PANK1: variants seen among roughly 807,000 people sequenced by gnomAD.
PANK1 encodes pantothenate kinase 1.
In PANK1, 18 loss-of-function variants were observed where a neutral mutation model predicts 40.1. The observed-to-expected ratio is 0.45, with a 90% CI of 0.31 to 0.67. The LOEUF (loss-of-function observed/expected upper bound fraction) is 0.67, where lower values mean the gene tolerates loss of function less well. Among genes scored for constraint, PANK1 ranks in the 30% least tolerant of loss-of-function variants. The probability of loss-of-function intolerance (pLI) is 0.06; values close to 1 mark genes in which losing one functional copy is unlikely to be tolerated. For missense variants in PANK1, 457 were observed against 599.6 expected, an observed-to-expected ratio of 0.76 and a Z score of 2.48; for synonymous variants, 242 against 237.7, an observed-to-expected ratio of 1.02 and a Z score of -0.17.
At chr10:89,618,798 C>T (rs569748777) in intron 1 of PANK1, among the ~76,000 whole-genome samples, 1 of 152,294 alleles carries the variant, frequency 6.6e-6, no homozygotes, top group African/African-American at 2.4e-5. Context: ...TTACCTTAAC[C>T]AGCAAAAATT....
chr10:89,636,472 G>A (rs1841818289), intron 1 of PANK1, among the ~76,000 whole-genome samples: 1 of 151,964 alleles, frequency 6.6e-6, no homozygotes, highest in Admixed American at 6.6e-5. Flanking sequence ...TATTTTTTGA[G>A]ATGGAGTCTT....
downstream of PANK1, chr10:89,579,690 A>T (rs1844019159): frequency 6.6e-6 from 1 of 152,194 alleles, no homozygotes; most frequent in African/African-American, 2.4e-5. Context: ...TTTTATGATC[A>T]TCTGACTGAA....
chr10:89,645,126 A>G lies in PANK1; in HGVS notation c.-235T>C, dbSNP rs1266695498. ...CCACGGCGCCGGCCTGGAGCACGCC[A>G]GCCCCGGGCGCGGAATCGGGGATCC... is the stretch of plus-strand genomic sequence containing the variant. On this transcript the variant is annotated 5_prime_UTR_variant, in exon 1 of 7. Coordinates refer to ENST00000307534, the MANE Select transcript of PANK1 (RefSeq NM_148977.3). 1.3e-5 allele frequency: 20 copies of G among 1,505,882 alleles called. No individual in the cohort carries two copies. Among genetic ancestry groups the G allele is most frequent in the Non-Finnish European group, 1.8e-5 (20 of 1,130,844 alleles). 93.3% of individuals were successfully genotyped at this position (1,505,882 alleles called of 1,614,324 possible). A position where few individuals can be genotyped will look rare whatever the true frequency, so the allele number is the denominator to read the frequency against.
At chr10:89,592,067 T>A (rs1844409168) in intron 5 of PANK1, among the ~76,000 whole-genome samples, 1 of 152,238 alleles carries the variant, frequency 6.6e-6, no homozygotes, top group Non-Finnish European at 1.5e-5. Context: ...ATAAACTCTG[T>A]TACATTGAGT....
chr10:89,635,143 TAGAG>T (rs371552592), intron 1 of PANK1, among the ~76,000 whole-genome samples: 11 of 150,968 alleles, frequency 7.3e-5, no homozygotes, highest in Non-Finnish European at 1.5e-4. Flanking sequence ...TATATATATA[TAGAG>T]AGAGAGAGAG....
In PANK1 at chr10:89,599,449, C is replaced by T; in HGVS notation, c.702G>A (p.Leu234=). ...LDELDCLIQG[L]LYVDSVGFNG... Reference sequence around the variant, plus strand: ...TGAAGCCAACAGAGTCGACATAAAGCAGGCCCTGAATCAGACAGTCCAGTT... The same window carrying T: ...TGAAGCCAACAGAGTCGACATAAAGTAGGCCCTGAATCAGACAGTCCAGTT... Residue 234 remains leucine, a synonymous_variant, in exon 3 of 7, where the codon CTG becomes CTA. Coordinates refer to ENST00000307534, the MANE Select transcript of PANK1 (RefSeq NM_148977.3). 1.2e-6 allele frequency: 2 copies of T among 1,613,776 alleles called. No individual in the cohort carries two copies. The highest frequency in any genetic ancestry group is 4.5e-5 in the East Asian group (2 of 44,886).
rs1845168930 is a variant in PANK1 at position 89,611,957 on chromosome 10, C to T, written c.384G>A (p.Glu128=). 6.2e-7 allele frequency: 1 copy of T among 1,614,056 alleles called. No homozygotes were observed. The highest frequency in any genetic ancestry group is 1.3e-5 in the African/African-American group (1 of 74,928). Residue 128 remains glutamate, a synonymous_variant, in exon 2 of 7, where the codon GAG becomes GAA. Transcript: ENST00000307534. ...GGATGCTCTTCAGGTTCTCCACTTC[C>T]TCTTGCTCCTCTTCGGCTGTAATAT... is the stretch of plus-strand genomic sequence containing the variant. ...PKDITAEEEQ[E]EVENLKSIRK...
chr10:89,602,240 T>A (rs1844809676), intron 2 of PANK1, among the ~76,000 whole-genome samples: 1 of 152,164 alleles, frequency 6.6e-6, no homozygotes, highest in Non-Finnish European at 1.5e-5. Flanking sequence ...CCAAGGCAAA[T>A]AATCTACGTA....
At chr10:89,626,215 T>A (rs1446384276) in intron 1 of PANK1, 2 of 152,090 alleles carry the variant, frequency 1.3e-5, no homozygotes, top group African/African-American at 4.8e-5. Context: ...TCATCACTCC[T>A]ATTTCTCACC....
At chr10:89,589,170 C>T (rs577258268) in intron 5 of PANK1, among the ~76,000 whole-genome samples, 1 of 152,242 alleles carries the variant, frequency 6.6e-6, no homozygotes, top group Admixed American at 6.5e-5. Flanking sequence ...AACCAACTCA[C>T]AAATAAAACG....
chr10:89,609,617 T>C (rs1407685034), intron 2 of PANK1, among the ~76,000 whole-genome samples: 1 of 152,242 alleles, frequency 6.6e-6, no homozygotes, highest in Non-Finnish European at 1.5e-5. Flanking sequence ...GTCTTCACTT[T>C]GGCTGAGACT....
downstream of PANK1, chr10:89,581,658 C>A (rs1240783762): frequency 6.6e-6 from 1 of 152,326 alleles, no homozygotes; most frequent in Non-Finnish European, 1.5e-5. Context: ...TCATGATCCG[C>A]CTGCCTCGGC....
chr10:89,632,039 CAT>C (rs1316656447), intron 1 of PANK1, among the ~76,000 whole-genome samples: 6 of 150,206 alleles, frequency 4.0e-5, no homozygotes, highest in East Asian at 1.9e-4. Context: ...TAATACTAAA[CAT>C]ATGATTTCTG....
At position 89,605,623 on chromosome 10, in the gene PANK1, G is replaced by A. The variant is rs541122996; in HGVS notation, c.645+6073C>T. Reference sequence around the variant, plus strand: ...CTCTGGCTAGTTCTACCATATCTGCGGTTACTTTCTTCACTGACATCTTGA... The same window carrying A: ...CTCTGGCTAGTTCTACCATATCTGCAGTTACTTTCTTCACTGACATCTTGA... On this transcript the variant is annotated intron_variant, in intron 2 of 6. Transcript: ENST00000307534. 1.7e-4 allele frequency among the ~76,000 whole-genome samples: 26 copies of A among 152,146 alleles called. No individual in the cohort carries two copies. In the South Asian group the frequency reaches 4.4e-3, roughly 26 times the overall value.
chr10:89,590,892 A>G (rs1173781196), intron 5 of PANK1, among the ~76,000 whole-genome samples: 1 of 152,126 alleles, frequency 6.6e-6, no homozygotes, highest in East Asian at 1.9e-4. Flanking sequence ...TTAGCAAAAA[A>G]GAGGGAAGAA....
At chr10:89,603,835 T>C (rs1301732177) in intron 2 of PANK1, among the ~76,000 whole-genome samples, 4 of 152,134 alleles carry the variant, frequency 2.6e-5, no homozygotes, top group Non-Finnish European at 5.9e-5. Flanking sequence ...CTATGAGTGG[T>C]CAAAGTCTCA....
chr10:89,595,873 T>TATATATATATATATATAA (rs781450193), intron 3 of PANK1, among the ~76,000 whole-genome samples: 16 of 81,484 alleles, frequency 2.0e-4, no homozygotes, highest in African/African-American at 2.7e-4. Context: ...TATATATATA[T>TATATATATATATATATAA]AACTTCATTT....
intron 1 of PANK1, among the ~76,000 whole-genome samples, chr10:89,642,913 T>C (rs1842008310): frequency 6.6e-6 from 1 of 152,238 alleles, no homozygotes; most frequent in Non-Finnish European, 1.5e-5. Context: ...ATTTTTATTC[T>C]GTAAGAAACA....
At position 89,611,786 on chromosome 10, in the gene PANK1, C is replaced by T; in HGVS notation, c.555G>A (p.Gln185=). Residue 185 remains glutamine (Q), a synonymous_variant, in exon 2 of 7, where the codon CAG becomes CAA. Transcript: ENST00000307534. ...FPSCAMHRFI[Q]MGSEKNFSSL... Reference sequence around the variant, plus strand: ...TAGAGAAGTTCTTCTCGCTGCCCATCTGAATGAACCTGTGCATAGCACAGC... The same window carrying T: ...TAGAGAAGTTCTTCTCGCTGCCCATTTGAATGAACCTGTGCATAGCACAGC... 3 of 1,614,220 alleles carry T rather than the reference C, an allele frequency of 1.9e-6. No homozygotes were observed. Among genetic ancestry groups the T allele is most frequent in the Non-Finnish European group, 2.5e-6 (3 of 1,180,034 alleles).
Sources: allele counts gnomAD v4.1 joint callset (sites outside exome capture counted in the v4.1 genomes callset), GRCh38; gene constraint gnomAD v4.1.1; transcripts MANE v1.5; gene names NCBI Gene and HGNC (gene_info 2026-07-23, HGNC 2026-07-21).